Variants in ADAMTSL3 observed in about 807,000 individuals in gnomAD.
ADAMTSL3 encodes the protein ADAMTS like 3, also known as ADAMTS-like protein 3.
A neutral mutation model predicts 201.7 loss-of-function variants in ADAMTSL3; 128 were observed. The ratio of observed to expected loss-of-function variants is 0.63; its 90% CI spans 0.55 to 0.73. ADAMTSL3 has a LOEUF of 0.73. ADAMTSL3 is among the 30% of genes least tolerant of loss of function. The pLI, the probability that ADAMTSL3 is intolerant of heterozygous loss-of-function variation, is 0.00. For missense variants in ADAMTSL3, 1,990 were observed against 2,119.6 expected, an observed-to-expected ratio of 0.94 and a Z score of 1.20; for synonymous variants, 738 against 748.4, an observed-to-expected ratio of 0.99 and a Z score of 0.23.
chr15:83,687,278 T>TA (rs2061550711), intron 2 of ADAMTSL3, among the ~76,000 whole-genome samples: 1 of 152,258 alleles, frequency 6.6e-6, no homozygotes, highest in Non-Finnish European at 1.5e-5. Flanking sequence ...TCATTTAACT[T>TA]AATATATCCA....
rs763167880 is a variant in ADAMTSL3, at chr15:83,902,709, C to CT, written c.1700+2986dup. Reference sequence around the variant, plus strand: ...CCCCAGCCTCATGTCTGGCCACCTCCTTTTTTTTGCCTTGAGTGGGATGCT... The same window carrying CT: ...CCCCAGCCTCATGTCTGGCCACCTCCTTTTTTTTTGCCTTGAGTGGGATGCT... On this transcript the variant is annotated intron_variant, in intron 15 of 29. Transcript: ENST00000286744. 4.7e-4 allele frequency among the ~76,000 whole-genome samples: 72 copies of CT among 152,040 alleles called. 1 individual carries two copies. The East Asian group carries it at 8.7e-3, about 18-fold the overall frequency.
intron 3 of ADAMTSL3, among the ~76,000 whole-genome samples, chr15:83,714,854 C>T (rs1238660170): frequency 0.034 from 1,300 of 38,554 alleles, 47 homozygotes; most frequent in Non-Finnish European, 0.04. Context: ...CTCTCTTTCC[C>T]TCCCTCCCTC....
At position 83,862,641 on chromosome 15, in the gene ADAMTSL3, A is replaced by G. The variant is rs543284959; in HGVS notation, c.802+3801A>G. 324 of 152,324 alleles carry G rather than the reference A, an allele frequency of 2.1e-3. 3 individuals are homozygous for G. The highest frequency in any genetic ancestry group is 7.1e-3 in the African/African-American group (294 of 41,556). 9.4% of individuals were successfully genotyped at this position (152,324 alleles called of 1,614,324 possible). On this transcript the variant is annotated intron_variant, in intron 8 of 29. Coordinates refer to ENST00000286744, the MANE Select transcript of ADAMTSL3 (RefSeq NM_207517.3). ...GAAGAGCTCAACATGCAAAGGAACAACTGGTACCAGCCACTGCAAAAACAT... is the reference window on the plus strand; with the variant it reads ...GAAGAGCTCAACATGCAAAGGAACAGCTGGTACCAGCCACTGCAAAAACAT...
chr15:83,913,341 C>T lies in ADAMTSL3; in HGVS notation c.1950C>T (p.Tyr650=), dbSNP rs146658465. 2.4e-4 allele frequency: 381 copies of T among 1,613,488 alleles called. No homozygotes were observed. Among genetic ancestry groups the T allele is most frequent in the Non-Finnish European group, 2.9e-4 (339 of 1,180,014 alleles). The change falls in exon 16 of 30, where the codon TAC becomes TAT. Residue 650 remains tyrosine, a synonymous_variant. Coordinates refer to ENST00000286744, the MANE Select transcript of ADAMTSL3 (RefSeq NM_207517.3). Reference sequence around the variant, plus strand: ...GTGAGACGACTTACGACTGGGAGTACGCTGGGTTCACCCCTTGCACAGCAA... The same window carrying T: ...GTGAGACGACTTACGACTGGGAGTATGCTGGGTTCACCCCTTGCACAGCAA... ...EDSETTYDWE[Y]AGFTPCTATC...
chr15:83,823,893 CT>C (rs2063938965), intron 6 of ADAMTSL3, among the ~76,000 whole-genome samples: 5 of 93,066 alleles, frequency 5.4e-5, no homozygotes, highest in Admixed American at 4.9e-4. Flanking sequence ...CTTCTTCTTC[CT>C]CTTCTTCTTC....
chr15:83,929,544 A>C (rs1416172015), intron 17 of ADAMTSL3, among the ~76,000 whole-genome samples: 1 of 152,166 alleles, frequency 6.6e-6, no homozygotes, highest in African/African-American at 2.4e-5. Context: ...CTTATTTCCG[A>C]ATAAGGTCAC....
At chr15:83,743,056 CT>C (rs1241249865) in intron 3 of ADAMTSL3, among the ~76,000 whole-genome samples, 3 of 152,072 alleles carry the variant, frequency 2.0e-5, no homozygotes, top group Admixed American at 1.3e-4. Context: ...ATATCTAGTA[CT>C]TACATTCCTG....
chr15:84,025,529 G>A, intron 27 of ADAMTSL3, 93 bp downstream of exon 27: 1 of 1,260,072 alleles, frequency 7.9e-7, no homozygotes, highest in Non-Finnish European at 1.1e-6. Flanking sequence ...CTACTTTTGG[G>A]GCGGGGGGCA....
chr15:83,839,262 G>A (rs1342174207), intron 7 of ADAMTSL3, among the ~76,000 whole-genome samples: 2 of 152,102 alleles, frequency 1.3e-5, no homozygotes, highest in African/African-American at 4.8e-5. Context: ...CCCAAATGGG[G>A]AAAGCATTGC....
chr15:83,971,526 C>T (rs1185218697), intron 20 of ADAMTSL3, among the ~76,000 whole-genome samples: 1 of 135,034 alleles, frequency 7.4e-6, no homozygotes, highest in East Asian at 2.2e-4. Context: ...CATTGCACTC[C>T]AGCCTGGGCG....
chr15:83,999,710 A>C (rs1041982219), intron 23 of ADAMTSL3, among the ~76,000 whole-genome samples: 8 of 152,182 alleles, frequency 5.3e-5, no homozygotes, highest in African/African-American at 1.9e-4. Flanking sequence ...AGGCCCTTTG[A>C]TATCTATGGG....
At chr15:83,755,029 GTTAT>G (rs1690432659) in intron 3 of ADAMTSL3, among the ~76,000 whole-genome samples, 1 of 152,012 alleles carries the variant, frequency 6.6e-6, no homozygotes, top group African/African-American at 2.4e-5. Flanking sequence ...TAATTTTCCT[GTTAT>G]TTATTCAAAG....
intron 2 of ADAMTSL3, among the ~76,000 whole-genome samples, chr15:83,692,129 T>C (rs988099116): frequency 4.7e-5 from 7 of 149,794 alleles, no homozygotes; most frequent in Admixed American, 4.6e-4. Flanking sequence ...TAACAAAAGA[T>C]AGTATGTTTG....
At chr15:83,908,894 T>C (rs752600214) in intron 15 of ADAMTSL3, among the ~76,000 whole-genome samples, 1 of 152,200 alleles carries the variant, frequency 6.6e-6, no homozygotes, top group Non-Finnish European at 1.5e-5. Context: ...TGAAGTCTTC[T>C]TTGGCAAGAG....
At chr15:83,870,726 G>A in intron 8 of ADAMTSL3, 76 bp from the exon 9 acceptor site, 1 of 1,241,786 alleles carries the variant, frequency 8.1e-7, no homozygotes, top group Non-Finnish European at 1.1e-6. Flanking sequence ...TACTGACATT[G>A]TATTTGCTAA....
Position 84,034,588 on chromosome 15 carries a change from C to T in ADAMTSL3, c.4755-2185C>T, listed in dbSNP as rs114347295. Among the ~76,000 whole-genome samples, 1,152 of 152,262 alleles carry T rather than the reference C, an allele frequency of 7.6e-3. 15 individuals carry two copies. The highest frequency in any genetic ancestry group is 0.026 in the African/African-American group (1,095 of 41,556). Reference sequence around the variant, plus strand: ...TTCTCAAAGTGGCGATTTCTAACTTCTGAAATCAGAATCACCTAGGAAATT... The same window carrying T: ...TTCTCAAAGTGGCGATTTCTAACTTTTGAAATCAGAATCACCTAGGAAATT... On this transcript the variant is annotated intron_variant, in intron 28 of 29. Coordinates refer to ENST00000286744, the MANE Select transcript of ADAMTSL3 (RefSeq NM_207517.3).
In ADAMTSL3 at chr15:83,704,407, C is replaced by T. The variant is rs1169952392; in HGVS notation, c.88C>T (p.Pro30Ser). 3 of 1,614,028 alleles carry T rather than the reference C, an allele frequency of 1.9e-6. No individual in the cohort carries two copies. Among genetic ancestry groups the T allele is most frequent in the East Asian group, 2.2e-5 (1 of 44,900 alleles). ...TTTTCAGACCACAGCTGAGAAATCTCCTGGAGCCTATTTCCTTCCCGAGTT... is the reference window on the plus strand; with the variant it reads ...TTTTCAGACCACAGCTGAGAAATCTTCTGGAGCCTATTTCCTTCCCGAGTT... ...PLPQTTAEKS[P>S]GAYFLPEFAL... The change falls in exon 3 of 30, where the codon CCT becomes TCT. Residue 30 changes from proline (P) to serine (S), a missense_variant. Transcript: ENST00000286744.
At chr15:83,836,702 T>C (rs2064275814) in intron 6 of ADAMTSL3, among the ~76,000 whole-genome samples, 1 of 152,232 alleles carries the variant, frequency 6.6e-6, no homozygotes, top group South Asian at 2.1e-4. Context: ...GAATTTTACA[T>C]ATATTTTCTC....
At chr15:83,655,480 T>C (rs1054752986) in intron 1 of ADAMTSL3, among the ~76,000 whole-genome samples, 1 of 152,206 alleles carries the variant, frequency 6.6e-6, no homozygotes, top group Non-Finnish European at 1.5e-5. Flanking sequence ...TCTCAGCTTC[T>C]GAAGAGCTGG....
Sources: allele counts gnomAD v4.1 joint callset (sites outside exome capture counted in the v4.1 genomes callset), GRCh38; gene constraint gnomAD v4.1.1; transcripts MANE v1.5; gene names NCBI Gene and HGNC (gene_info 2026-07-23, HGNC 2026-07-21).